ARRB1: variants seen among roughly 807,000 people sequenced by gnomAD.
The protein encoded by ARRB1 is arrestin beta 1, also known as beta-arrestin-1.
A neutral mutation model predicts 56.8 loss-of-function variants in ARRB1; 21 were observed. The observed-to-expected ratio is 0.37, with a 90% CI of 0.26 to 0.53. ARRB1 has a LOEUF of 0.53. ARRB1 is among the 20% of genes least tolerant of loss of function. The pLI, the probability that ARRB1 is intolerant of heterozygous loss-of-function variation, is 0.88. For synonymous variants in ARRB1, 210 were observed against 218.6 expected (o/e 0.96, Z 0.35); for missense variants, 424 against 553.7 (o/e 0.77, Z 2.35).
chr11:75,338,811 A>T (rs936242069), intron 1 of ARRB1, among the ~76,000 whole-genome samples: 2 of 152,186 alleles, frequency 1.3e-5, no homozygotes, highest in African/African-American at 4.8e-5. Flanking sequence ...GCAAAAAAAA[A>T]TCTCCTTATT....
intron 1 of ARRB1, among the ~76,000 whole-genome samples, chr11:75,335,428 T>A (rs538355345): frequency 2.0e-5 from 3 of 151,968 alleles, no homozygotes; most frequent in African/African-American, 7.2e-5. Flanking sequence ...GTACAAAAAA[T>A]TTAAAAATTA....
chr11:75,283,188 A>G lies in ARRB1; in HGVS notation c.354+99T>C, dbSNP rs34804214. The stretch of plus-strand genomic sequence containing the variant: ...AGCATACACTGGGAAACTGGGTGGC[A>G]GGGAGCAGCTGACCCTCACCGCCCT... On this transcript the variant is annotated intron_variant, in intron 5 of 15. Coordinates refer to ENST00000420843, the MANE Select transcript of ARRB1 (RefSeq NM_004041.5). 10,109 of 1,258,368 alleles carry G rather than the reference A, an allele frequency of 8.0e-3. 54 individuals carry two copies. Among genetic ancestry groups the G allele is most frequent in the Non-Finnish European group, 9.6e-3 (8,773 of 911,824 alleles). 78.0% of individuals were successfully genotyped at this position (1,258,368 alleles called of 1,614,324 possible). A position where few individuals can be genotyped will look rare whatever the true frequency, so the allele number is the denominator to read the frequency against.
intron 1 of ARRB1, among the ~76,000 whole-genome samples, chr11:75,295,638 C>T (rs1182792345): frequency 6.6e-6 from 1 of 152,226 alleles, no homozygotes. Context: ...TGCCATGTGA[C>T]ATATCCTATT....
chr11:75,350,940 G>A lies in ARRB1; in HGVS notation c.20+648C>T, dbSNP rs539505226. ...GGCATCAGTCTGATTGTGTCTGTGG[G>A]GGTCAGTGTTGGTGTGGCCTTGCGC... On this transcript the variant is annotated intron_variant, in intron 1 of 15. Transcript: ENST00000420843. Among the ~76,000 whole-genome samples the A allele has an allele frequency of 2.6e-5, 4 of 152,286 alleles. No individual in the cohort carries two copies. In the East Asian group the frequency reaches 7.7e-4, roughly 29 times the overall value.
chr11:75,305,742 C>T (rs1280805416), intron 1 of ARRB1, among the ~76,000 whole-genome samples: 2 of 152,056 alleles, frequency 1.3e-5, no homozygotes, highest in African/African-American at 2.4e-5. Context: ...GTCGTGTGCA[C>T]GCACTCTACA....
chr11:75,336,300 G>A (rs772103431), intron 1 of ARRB1, among the ~76,000 whole-genome samples: 2 of 152,160 alleles, frequency 1.3e-5, no homozygotes, highest in Non-Finnish European at 2.9e-5. Flanking sequence ...CCTGAAACCT[G>A]TTTGAAAGCA....
intron 1 of ARRB1, among the ~76,000 whole-genome samples, chr11:75,342,943 T>C (rs1482995719): frequency 6.6e-6 from 1 of 152,172 alleles, no homozygotes; most frequent in African/African-American, 2.4e-5. Flanking sequence ...ATCTAATTCC[T>C]ATGGCTCTGG....
Position 75,281,007 on chromosome 11 carries a change from T to C in ARRB1, c.482+68A>G, listed in dbSNP as rs1048160305. On this transcript the variant is annotated intron_variant, in intron 7 of 15. Transcript: ENST00000420843. ...TCCAGGTATTGTTACTTATCTCCTC[T>C]TGGACTTTGCCCATCCTGTCTCCCT... 1.4e-5 allele frequency: 21 copies of C among 1,522,210 alleles called. No homozygotes were observed. In the African/African-American group the frequency reaches 2.1e-4, roughly 15 times the overall value. The allele number at this position is 1,522,210 out of a possible 1,614,324, so 94.3% of individuals were successfully genotyped here.
chr11:75,283,348 G>A lies in ARRB1; in HGVS notation c.293C>T (p.Thr98Met), dbSNP rs748636398. 10 of 1,614,020 alleles carry A rather than the reference G, an allele frequency of 6.2e-6. No homozygotes were observed. Among genetic ancestry groups the A allele is most frequent in the South Asian group, 4.4e-5 (4 of 91,084 alleles). The change falls in exon 5 of 16, where the codon ACG becomes ATG. Residue 98 changes from threonine (T) to methionine (M), a missense_variant. By Grantham distance (81) the Thr-to-Met change is moderately conservative. Transcript: ENST00000420843. ...PPAPEDKKPL[T>M]RLQERLIKKL... ...CTTGATGAGGCGTTCCTGCAGCCGC[G>A]TCAGGGGCTTCTTGTCCTCGGGGGC...
chr11:75,317,142 T>G (rs1947278573), intron 1 of ARRB1, among the ~76,000 whole-genome samples: 1 of 152,190 alleles, frequency 6.6e-6, no homozygotes. Flanking sequence ...ACTTAACTTG[T>G]GGCACTGGCT....
chr11:75,308,452 A>G (rs962948802), intron 1 of ARRB1, among the ~76,000 whole-genome samples: 1 of 152,224 alleles, frequency 6.6e-6, no homozygotes, highest in Non-Finnish European at 1.5e-5. Flanking sequence ...ATATTTTCTT[A>G]TTAAGAAATT....
chr11:75,278,886 G>A lies in ARRB1; in HGVS notation c.483-142C>T, dbSNP rs532913894. 4.2e-6 allele frequency: 5 copies of A among 1,202,068 alleles called. 1 individual carries two copies. In the South Asian group the frequency reaches 6.1e-5, roughly 15 times the overall value. 74.5% of individuals were successfully genotyped at this position (1,202,068 alleles called of 1,614,324 possible). On this transcript the variant is annotated intron_variant, in intron 7 of 15. Coordinates refer to ENST00000420843, the MANE Select transcript of ARRB1 (RefSeq NM_004041.5). Reference sequence around the variant, plus strand: ...GAATCCAGCCAAACTGCAGAGATCAGCATAGGGGTCTGTCACCATCTGGCT... The same window carrying A: ...GAATCCAGCCAAACTGCAGAGATCAACATAGGGGTCTGTCACCATCTGGCT...
intron 1 of ARRB1, among the ~76,000 whole-genome samples, chr11:75,317,258 A>T (rs1947280015): frequency 6.6e-6 from 1 of 152,078 alleles, no homozygotes. Flanking sequence ...AGGAACCCAG[A>T]TCAGGAAGAT....
At chr11:75,300,202 C>CAAAAAAAAAAAAAAAAA (rs10557397) in intron 1 of ARRB1, among the ~76,000 whole-genome samples, 3 of 87,334 alleles carry the variant, frequency 3.4e-5, no homozygotes, top group Non-Finnish European at 4.9e-5. Context: ...GACTCTGTCT[C>CAAAAAAAAAAAAAAAAA]AAAAAAAAAA....
At chr11:75,267,727 GGT>G in intron 14 of ARRB1, 24 bp from the exon 15 acceptor site, 1 of 1,231,320 alleles carries the variant, frequency 8.1e-7, no homozygotes, top group Non-Finnish European at 1.2e-6. Flanking sequence ...GGGTGGGCAG[GGT>G]GTCCAGGGAT....
intron 1 of ARRB1, among the ~76,000 whole-genome samples, chr11:75,349,350 A>G (rs1169879015): frequency 6.6e-6 from 1 of 152,206 alleles, no homozygotes; most frequent in Admixed American, 6.5e-5. Context: ...TGGGAAACTA[A>G]CGTCCGGAAA....
intron 11 of ARRB1, 103 bp from the exon 12 acceptor site, chr11:75,273,081 G>A: frequency 1.1e-6 from 1 of 937,250 alleles, no homozygotes; most frequent in Non-Finnish European, 1.7e-6. Flanking sequence ...TCCCCCATCT[G>A]GCTAGCCACT....
At chr11:75,266,498 G>A (rs113898113) in intron 15 of ARRB1, among the ~76,000 whole-genome samples, 2 of 152,284 alleles carry the variant, frequency 1.3e-5, no homozygotes, top group African/African-American at 4.8e-5. Context: ...TCAGGACTCG[G>A]GCCAGTCATG....
chr11:75,308,746 A>C (rs1278344225), intron 1 of ARRB1, among the ~76,000 whole-genome samples: 3 of 136,178 alleles, frequency 2.2e-5, no homozygotes, highest in African/African-American at 7.5e-5. Flanking sequence ...ATCCATCTCA[A>C]AAAAAAAAAA....
Sources: gnomAD v4.1 joint callset for allele counts (sites outside exome capture counted in the v4.1 genomes callset) on GRCh38, gnomAD v4.1.1 for gene constraint, MANE v1.5 for transcripts, NCBI Gene and HGNC (gene_info 2026-07-23, HGNC 2026-07-21) for gene names.